The following DAB1 variants were observed in gnomAD, a reference collection of about 807,000 sequenced individuals.
DAB1 encodes the protein disabled homolog 1.
Under a neutral mutation model 64.6 loss-of-function variants are expected in DAB1, and 15 were observed. The observed-to-expected ratio is 0.23, with a 90% CI of 0.16 to 0.36. The LOEUF (loss-of-function observed/expected upper bound fraction) is 0.36, where lower values mean the gene tolerates loss of function less well. DAB1 is among the 10% of genes least tolerant of loss of function. The pLI is 1.00. For missense variants in DAB1, 596 were observed against 706.7 expected, an observed-to-expected ratio of 0.84 and a Z score of 1.78; for synonymous variants, 235 against 251.9, an observed-to-expected ratio of 0.93 and a Z score of 0.64.
intron 1 of DAB1, among the ~76,000 whole-genome samples, chr1:57,400,538 T>C (rs1015738075): frequency 6.6e-6 from 1 of 151,974 alleles, no homozygotes; most frequent in African/African-American, 2.4e-5. Flanking sequence ...CAAGCACTAC[T>C]TGCCAGTATC....
At chr1:57,600,896 T>A (rs961706890) in intron 7 of DAB1, among the ~76,000 whole-genome samples, 2 of 152,208 alleles carry the variant, frequency 1.3e-5, no homozygotes, top group African/African-American at 4.8e-5. Context: ...AAAAGTTCAA[T>A]AATTTTCAAA....
chr1:57,959,703 A>G (rs781770133), intron 5 of DAB1, among the ~76,000 whole-genome samples: 3 of 152,196 alleles, frequency 2.0e-5, no homozygotes, highest in Non-Finnish European at 2.9e-5. Context: ...AAGCTGTCCA[A>G]AGGAATTCAC....
chr1:58,180,554 C>G (rs1043004163), intron 4 of DAB1, among the ~76,000 whole-genome samples: 1 of 151,904 alleles, frequency 6.6e-6, no homozygotes, highest in Non-Finnish European at 1.5e-5. Flanking sequence ...CTTGGCTTCC[C>G]GAAGTGCTGG....
At chr1:57,448,084 T>C (rs938115567) in intron 7 of DAB1, among the ~76,000 whole-genome samples, 2 of 152,132 alleles carry the variant, frequency 1.3e-5, no homozygotes, top group Non-Finnish European at 2.9e-5. Flanking sequence ...TCTGGGAAAA[T>C]GTCAAGCTGA....
At chr1:57,373,804 G>A (rs984197877) in intron 1 of DAB1, among the ~76,000 whole-genome samples, 1 of 152,148 alleles carries the variant, frequency 6.6e-6, no homozygotes, top group Non-Finnish European at 1.5e-5. Context: ...TAATCGCCGG[G>A]TTCTTATAAA....
chr1:58,162,044 G>A (rs568550711), intron 4 of DAB1, among the ~76,000 whole-genome samples: 1 of 152,288 alleles, frequency 6.6e-6, no homozygotes, highest in South Asian at 2.1e-4. Flanking sequence ...CAGAGGGGCT[G>A]AGACAGGTTA....
chr1:57,403,107 T>C (rs541339233), intron 1 of DAB1, among the ~76,000 whole-genome samples: 9 of 152,352 alleles, frequency 5.9e-5, no homozygotes, highest in African/African-American at 9.6e-5. Flanking sequence ...TTGGTGGGGC[T>C]GACCTCACCG....
intron 5 of DAB1, among the ~76,000 whole-genome samples, chr1:57,944,102 C>A (rs1645145637): frequency 6.6e-6 from 1 of 152,208 alleles, no homozygotes; most frequent in African/African-American, 2.4e-5. Flanking sequence ...CATATTGAGG[C>A]CAAGGCACTC....
intron 6 of DAB1, among the ~76,000 whole-genome samples, chr1:57,779,166 C>G (rs1329470923): frequency 2.6e-5 from 4 of 152,010 alleles, no homozygotes; most frequent in Non-Finnish European, 5.9e-5. Context: ...TTGAATGTGG[C>G]CATTAGGATA....
intron 5 of DAB1, among the ~76,000 whole-genome samples, chr1:58,147,662 C>CA (rs1557671168): frequency 6.6e-6 from 1 of 151,704 alleles, no homozygotes; most frequent in East Asian, 1.9e-4. Context: ...AGAGGCTTCT[C>CA]AAAAAAACAA....
chr1:57,393,289 C>G (rs1231416637), intron 1 of DAB1, among the ~76,000 whole-genome samples: 2 of 152,078 alleles, frequency 1.3e-5, no homozygotes, highest in Admixed American at 1.3e-4. Context: ...TCATTACTGC[C>G]AGTGATTCAT....
chr1:58,266,484 T>C (rs1414634100), intron 4 of DAB1, among the ~76,000 whole-genome samples: 1 of 152,232 alleles, frequency 6.6e-6, no homozygotes, highest in Non-Finnish European at 1.5e-5. Context: ...ACACATTAAC[T>C]GTGGGACATC....
rs75791092 is a variant in DAB1 at position 58,380,783 on chromosome 1, A to G, written n.258-37380T>C. On this transcript the variant is annotated intron_variant and non_coding_transcript_variant, in intron 3 of 20. Transcript: ENST00000485760. Reference sequence around the variant, plus strand: ...AGATTTGAGAAACATTAAAAAGGACACCATGATGGGCATGGAGTAAATTAA... The same window carrying G: ...AGATTTGAGAAACATTAAAAAGGACGCCATGATGGGCATGGAGTAAATTAA... Among the ~76,000 whole-genome samples the G allele has an allele frequency of 9.2e-3, 1,407 of 152,292 alleles. 20 individuals carry two copies. Among genetic ancestry groups the G allele is most frequent in the African/African-American group, 0.032 (1,326 of 41,540 alleles).
intron 6 of DAB1, among the ~76,000 whole-genome samples, chr1:57,751,834 TAATAAATA>T (rs58928224): frequency 2.0e-5 from 3 of 150,786 alleles, no homozygotes; most frequent in African/African-American, 4.9e-5. Flanking sequence ...ATTCTTTACT[TAATAAATA>T]AATAAATAAA....
chr1:57,279,978 T>G (rs901629260), intron 2 of DAB1, among the ~76,000 whole-genome samples: 1 of 152,186 alleles, frequency 6.6e-6, no homozygotes, highest in African/African-American at 2.4e-5. Context: ...AGGACATCTT[T>G]CAGTGCAAGC....
chr1:57,974,792 C>T (rs990002101), intron 5 of DAB1, among the ~76,000 whole-genome samples: 2 of 151,866 alleles, frequency 1.3e-5, no homozygotes, highest in African/African-American at 2.4e-5. Context: ...TTATGTATAC[C>T]ACATACAAAA....
chr1:57,889,611 C>G (rs1220817761), intron 5 of DAB1, among the ~76,000 whole-genome samples: 1 of 152,226 alleles, frequency 6.6e-6, no homozygotes. Context: ...AAAGGACCAG[C>G]CTTCTGCCCC....
chr1:58,093,365 T>A (rs1490370259), intron 5 of DAB1, among the ~76,000 whole-genome samples: 1 of 152,190 alleles, frequency 6.6e-6, no homozygotes, highest in Non-Finnish European at 1.5e-5. Context: ...AGTATTGGTC[T>A]GTGCTCTGGT....
At chr1:58,238,254 A>G (rs916124263) in intron 4 of DAB1, among the ~76,000 whole-genome samples, 1 of 152,214 alleles carries the variant, frequency 6.6e-6, no homozygotes, top group Non-Finnish European at 1.5e-5. Context: ...GACTACATCC[A>G]GGGAAGTCAC....
Sources: gnomAD v4.1 joint callset for allele counts (sites outside exome capture counted in the v4.1 genomes callset) on GRCh38, gnomAD v4.1.1 for gene constraint, MANE v1.5 for transcripts, NCBI Gene and HGNC (gene_info 2026-07-23, HGNC 2026-07-21) for gene names.